DOCK9: variants seen among roughly 807,000 people sequenced by gnomAD.
DOCK9 encodes dedicator of cytokinesis protein 9.
Under a neutral mutation model 263.3 loss-of-function variants are expected in DOCK9, and 89 were observed. The ratio of observed to expected loss-of-function variants is 0.34; its 90% CI spans 0.28 to 0.40. The LOEUF is 0.40. DOCK9 is among the 10% of genes least tolerant of loss of function. The pLI is 1.00. For synonymous variants in DOCK9, 976 were observed against 973.1 expected (o/e 1.00, Z -0.06); for missense variants, 2,140 against 2,603.4 (o/e 0.82, Z 3.87).
intron 2 of DOCK9, among the ~76,000 whole-genome samples, chr13:98,935,867 G>C (rs530129055): frequency 6.6e-6 from 1 of 152,172 alleles, no homozygotes; most frequent in Non-Finnish European, 1.5e-5. Context: ...CAATGGGGCC[G>C]TCAATGTTTG....
In DOCK9 at chr13:98,881,869, G is replaced by A. The variant is rs1392808511; in HGVS notation, c.2675+23C>T. ...ATGTGGACAGACTAGAAGTGAGGAA[G>A]AGCATCCATCCACCTCCCTTACCGA... On this transcript the variant is annotated intron_variant, in intron 24 of 52. Coordinates refer to ENST00000682017, the MANE Select transcript of DOCK9 (RefSeq NM_001366683.2). The A allele has an allele frequency of 3.3e-6, 5 of 1,535,094 alleles. No homozygotes were observed. The African/African-American group carries it at 5.5e-5, about 17-fold the overall frequency.
chr13:98,882,634 TTTC>T (rs2044996233), intron 23 of DOCK9, among the ~76,000 whole-genome samples: 1 of 115,718 alleles, frequency 8.6e-6, no homozygotes, highest in African/African-American at 2.9e-5. Context: ...CTGTGCATTA[TTTC>T]TTTATTTGAT....
At chr13:98,902,218 A>T in intron 12 of DOCK9, 70 bp downstream of exon 12, 9 of 1,536,312 alleles carry the variant, frequency 5.9e-6, no homozygotes, top group Non-Finnish European at 7.9e-6. Flanking sequence ...TAATTTGAGC[A>T]TTTTTGGTGC....
chr13:98,997,312 G>A (rs1392287117), intron 1 of DOCK9, among the ~76,000 whole-genome samples: 2 of 152,148 alleles, frequency 1.3e-5, no homozygotes, highest in Non-Finnish European at 1.5e-5. Flanking sequence ...CCCACCCCAC[G>A]CCCAGAGGCA....
upstream of DOCK9, among the ~76,000 whole-genome samples, chr13:98,983,049 C>T (rs1877577711): frequency 6.6e-6 from 1 of 152,142 alleles, no homozygotes; most frequent in Non-Finnish European, 1.5e-5. Context: ...TTATCTCAAC[C>T]TAACAGAAGT....
chr13:98,855,002 T>C (rs1442280395), intron 34 of DOCK9, among the ~76,000 whole-genome samples: 1 of 152,144 alleles, frequency 6.6e-6, no homozygotes, highest in Non-Finnish European at 1.5e-5. Flanking sequence ...ACTTAGAAAA[T>C]CTGTGCCCAA....
At chr13:98,823,947 AG>A (rs2092411665) in intron 45 of DOCK9, among the ~76,000 whole-genome samples, 1 of 152,168 alleles carries the variant, frequency 6.6e-6, no homozygotes, top group African/African-American at 2.4e-5. Flanking sequence ...GGCCCTAGAC[AG>A]GGGTTGCTAT....
Position 98,888,460 on chromosome 13 carries a change from G to C in DOCK9, c.1877C>G (p.Pro626Arg). Reference sequence around the variant, plus strand: ...AGGCTGAGTGTGTTTTGGTATGCAGGGCACAAATTCCTCCACTTCAAACGT... The same window carrying C: ...AGGCTGAGTGTGTTTTGGTATGCAGCGCACAAATTCCTCCACTTCAAACGT... ...PITFEVEEFV[P>R]CIPKHTQPYT... The change falls in exon 17 of 53, where the codon CCC (proline) becomes CGC (arginine). Residue 626 changes from proline (P) to arginine (R), a missense_variant. By Grantham distance (103) the Pro-to-Arg change is moderately radical. This residue lies in a region of DOCK9 where 1,521 missense variants were observed against 1,741.7 expected (regional missense o/e 0.87). Transcript: ENST00000682017. 6 of 1,613,862 alleles carry C rather than the reference G, an allele frequency of 3.7e-6. No homozygotes were observed. The highest frequency in any genetic ancestry group is 5.1e-6 in the Non-Finnish European group (6 of 1,179,846).
chr13:99,066,416 C>A (rs1027130534), intron 1 of DOCK9, among the ~76,000 whole-genome samples: 1 of 152,162 alleles, frequency 6.6e-6, no homozygotes, highest in African/African-American at 2.4e-5. Context: ...TAGAACTCCA[C>A]AAAAACTGGT....
intron 1 of DOCK9, among the ~76,000 whole-genome samples, chr13:99,063,258 C>T (rs985534512): frequency 6.6e-6 from 1 of 152,218 alleles, no homozygotes; most frequent in Non-Finnish European, 1.5e-5. Flanking sequence ...AGATGTCGTG[C>T]TCTATTCATG....
chr13:98,964,860 GC>G (rs1461614405), intron 1 of DOCK9, among the ~76,000 whole-genome samples: 16 of 152,212 alleles, frequency 1.1e-4, no homozygotes, highest in African/African-American at 3.9e-4. Flanking sequence ...AGATGGACGT[GC>G]TTGAGGAGCA....
intron 41 of DOCK9, among the ~76,000 whole-genome samples, chr13:98,830,576 T>G: frequency 6.6e-6 from 1 of 152,196 alleles, no homozygotes; most frequent in East Asian, 1.9e-4. Context: ...AGATGGGTGC[T>G]TCCCCGTAGT....
chr13:98,847,732 A>C (rs2093432148), intron 37 of DOCK9: 1 of 152,238 alleles, frequency 6.6e-6, no homozygotes, highest in Non-Finnish European at 1.5e-5. Context: ...TACATTTTTA[A>C]GTTTTTCTTA....
chr13:98,815,740 C>A (rs1255870183), intron 45 of DOCK9, among the ~76,000 whole-genome samples: 2 of 152,160 alleles, frequency 1.3e-5, no homozygotes, highest in Non-Finnish European at 2.9e-5. Flanking sequence ...CTTGGCCTCC[C>A]AAAGTGCTGG....
At chr13:98,961,949 C>CAA (rs2058684620) in intron 1 of DOCK9, among the ~76,000 whole-genome samples, 2 of 152,202 alleles carry the variant, frequency 1.3e-5, no homozygotes, top group South Asian at 4.1e-4. Context: ...AGTCATTGCA[C>CAA]AAACTGAGAA....
At chr13:98,961,390 G>A (rs535453533) in intron 1 of DOCK9, among the ~76,000 whole-genome samples, 1 of 152,194 alleles carries the variant, frequency 6.6e-6, no homozygotes, top group Admixed American at 6.5e-5. Context: ...GGGATAATGT[G>A]CCCCTCCCAC....
At chr13:98,977,628 C>T (rs1257003295) in intron 1 of DOCK9, among the ~76,000 whole-genome samples, 156 bp downstream of exon 1, 12 of 152,258 alleles carry the variant, frequency 7.9e-5, no homozygotes, top group Admixed American at 4.6e-4. Context: ...AAAGGGGAAT[C>T]GAAGTCATAT....
chr13:99,058,040 T>C (rs1421801456), intron 1 of DOCK9, among the ~76,000 whole-genome samples: 1 of 152,096 alleles, frequency 6.6e-6, no homozygotes. Context: ...AGGGTATTTA[T>C]ACAATATCTC....
intron 2 of DOCK9, among the ~76,000 whole-genome samples, chr13:98,937,968 G>A (rs1394148715): frequency 6.6e-6 from 1 of 152,200 alleles, no homozygotes; most frequent in African/African-American, 2.4e-5. Context: ...CACCTAAAGG[G>A]AGCAAGTGGA....
Sources: gnomAD v4.1 joint callset for allele counts (sites outside exome capture counted in the v4.1 genomes callset) on GRCh38, gnomAD v4.1.1 for gene constraint, gnomAD v4.1.1 regional missense constraint, MANE v1.5 for transcripts, NCBI Gene and HGNC (gene_info 2026-07-23, HGNC 2026-07-21) for gene names.